VAPA: variants seen among roughly 807,000 people sequenced by gnomAD.
The protein encoded by VAPA is vesicle-associated membrane protein-associated protein A.
In VAPA, 6 loss-of-function variants were observed where a neutral mutation model predicts 25.6. That is an observed-to-expected ratio of 0.23 (90% confidence interval 0.13 to 0.46). The LOEUF (loss-of-function observed/expected upper bound fraction) is 0.46, where lower values mean the gene tolerates loss of function less well. VAPA is among the 20% of genes least tolerant of loss of function. VAPA has a pLI of 0.99. For missense variants in VAPA, 244 were observed against 302.1 expected (o/e 0.81, Z 1.43); for synonymous variants, 112 against 106.2 (o/e 1.05, Z -0.34).
chr18:9,944,816 T>G, intron 4 of VAPA: 3 of 1,321,178 alleles, frequency 2.3e-6, no homozygotes, highest in Non-Finnish European at 3.1e-6. Flanking sequence ...TTTTATAAAG[T>G]GTTAATGTTT....
intron 4 of VAPA, chr18:9,944,773 A>G (rs918375972): frequency 1.6e-5 from 15 of 941,358 alleles, no homozygotes; most frequent in Non-Finnish European, 2.2e-5. Flanking sequence ...TAACATAGCT[A>G]TTATTAGTAT....
intron 5 of VAPA, among the ~76,000 whole-genome samples, chr18:9,951,675 T>C (rs2069491697): frequency 6.6e-6 from 1 of 152,374 alleles, no homozygotes; most frequent in South Asian, 2.1e-4. Flanking sequence ...TGTTTGAAGC[T>C]CTTTGCAGCA....
At chr18:9,916,164 A>G (rs1049466171) in intron 1 of VAPA, among the ~76,000 whole-genome samples, 3 of 152,172 alleles carry the variant, frequency 2.0e-5, no homozygotes, top group Non-Finnish European at 2.9e-5. Context: ...TTATGTTGCT[A>G]TAGTAAGGGA....
chr18:9,922,018 A>T (rs377271944), intron 1 of VAPA, among the ~76,000 whole-genome samples: 1 of 152,166 alleles, frequency 6.6e-6, no homozygotes, highest in East Asian at 1.9e-4. Flanking sequence ...TCACTCTGAC[A>T]CCAGACTGAA....
Position 9,914,235 on chromosome 18 carries a change from C to T in VAPA, c.-22C>T, listed in dbSNP as rs762096306. 2.2e-5 allele frequency: 34 copies of T among 1,570,492 alleles called. No homozygotes were observed. Among genetic ancestry groups the T allele is most frequent in the Admixed American group, 1.2e-4 (7 of 56,026 alleles). On this transcript the variant is annotated 5_prime_UTR_variant, in exon 1 of 6. Coordinates refer to ENST00000400000, the MANE Select transcript of VAPA (RefSeq NM_194434.3). The stretch of plus-strand genomic sequence containing the variant: ...AGCAAACCGCCGCCGCGGGCGCGCC[C>T]CCGCTCTGCGCTGTCTCTCCGATGG...
At chr18:9,921,869 TATA>T (rs1427339961) in intron 1 of VAPA, among the ~76,000 whole-genome samples, 5 of 152,232 alleles carry the variant, frequency 3.3e-5, no homozygotes, top group African/African-American at 1.2e-4. Flanking sequence ...ATGAGCACCT[TATA>T]ATATGAACCT....
intron 2 of VAPA, among the ~76,000 whole-genome samples, chr18:9,932,662 A>G (rs1350284351): frequency 6.6e-6 from 1 of 152,132 alleles, no homozygotes; most frequent in Non-Finnish European, 1.5e-5. Flanking sequence ...GGTTCCATGT[A>G]TTTTACTTAG....
intron 4 of VAPA, chr18:9,945,051 A>T: frequency 6.2e-7 from 1 of 1,614,024 alleles, no homozygotes; most frequent in Non-Finnish European, 8.5e-7. Context: ...AAACAGGAGA[A>T]ACAGAAGGTT....
chr18:9,915,861 G>C (rs148638286), intron 1 of VAPA: 303 of 152,312 alleles, frequency 2.0e-3, no homozygotes, highest in African/African-American at 6.9e-3. Flanking sequence ...GTATTTTATT[G>C]CAAGTTTATG....
intron 1 of VAPA, among the ~76,000 whole-genome samples, chr18:9,923,245 C>T (rs935574373): frequency 6.6e-6 from 1 of 151,656 alleles, no homozygotes; most frequent in African/African-American, 2.4e-5. Context: ...AGTTACGTAT[C>T]TTTTAGCTTT....
chr18:9,950,582 G>T lies in VAPA; in HGVS notation c.591+14G>T. Reference sequence around the variant, plus strand: ...CGGCACCTGAGAGTAAGTTCTGTTGGTTGAAAATAAATTGATTGAAATGAA... The same window carrying T: ...CGGCACCTGAGAGTAAGTTCTGTTGTTTGAAAATAAATTGATTGAAATGAA... On this transcript the variant is annotated intron_variant, in intron 5 of 5. Coordinates refer to ENST00000400000, the MANE Select transcript of VAPA (RefSeq NM_194434.3). 6.2e-7 allele frequency: 1 copy of T among 1,605,604 alleles called. No homozygotes were observed. The highest frequency in any genetic ancestry group is 8.5e-7 in the Non-Finnish European group (1 of 1,177,820).
At chr18:9,917,538 C>T (rs934373250) in intron 1 of VAPA, among the ~76,000 whole-genome samples, 1 of 152,196 alleles carries the variant, frequency 6.6e-6, no homozygotes, top group Admixed American at 6.5e-5. Flanking sequence ...GCCTTGGCCT[C>T]CCAAAGTGCT....
chr18:9,953,231 GC>G, intron 5 of VAPA, among the ~76,000 whole-genome samples: 1 of 152,306 alleles, frequency 6.6e-6, no homozygotes, highest in East Asian at 1.9e-4. Flanking sequence ...GAATGAAGCA[GC>G]CTACTCTTGA....
rs200229431 is a variant in VAPA, at chr18:9,959,690, TGA to T, written c.*5489_*5490del. On this transcript the variant is annotated 3_prime_UTR_variant, in exon 6 of 6. Coordinates refer to ENST00000400000, the MANE Select transcript of VAPA (RefSeq NM_194434.3). ...GGAAAAATAATACAATGTGTGTGTG[TGA>T]GAGAGAGAGTGAGTTACTGACATTG... The T allele has an allele frequency of 2.3e-5, 3 of 130,852 alleles. No homozygotes were observed. The highest frequency in any genetic ancestry group is 9.1e-5 in the African/African-American group (3 of 33,018). 8.1% of individuals were successfully genotyped at this position (130,852 alleles called of 1,614,324 possible).
intron 5 of VAPA, chr18:9,950,891 T>C: frequency 3.9e-6 from 1 of 258,984 alleles, no homozygotes; most frequent in East Asian, 1.0e-4. Flanking sequence ...TTGTCCCACA[T>C]CATAGCCATT....
At chr18:9,933,869 A>C (rs1403101039) in intron 2 of VAPA, among the ~76,000 whole-genome samples, 2 of 152,244 alleles carry the variant, frequency 1.3e-5, no homozygotes, top group Admixed American at 1.3e-4. Context: ...CCACATGGCT[A>C]AAAATAGTTT....
intron 2 of VAPA, among the ~76,000 whole-genome samples, chr18:9,935,433 G>A (rs191151821): frequency 6.6e-6 from 1 of 152,266 alleles, no homozygotes; most frequent in East Asian, 1.9e-4. Flanking sequence ...AATTAGCTGG[G>A]CATGGTGGCA....
At chr18:9,937,850 T>G (rs1476241974) in intron 4 of VAPA, among the ~76,000 whole-genome samples, 1 of 152,210 alleles carries the variant, frequency 6.6e-6, no homozygotes, top group Non-Finnish European at 1.5e-5. Flanking sequence ...TAGTGGCCAT[T>G]TGCTCTATTG....
chr18:9,925,562 G>A (rs1036774318), intron 1 of VAPA, among the ~76,000 whole-genome samples: 1 of 151,782 alleles, frequency 6.6e-6, no homozygotes, highest in Non-Finnish European at 1.5e-5. Flanking sequence ...ACCAGGCATT[G>A]TGTTAGTTGC....
Sources: allele counts gnomAD v4.1 joint callset (sites outside exome capture counted in the v4.1 genomes callset), GRCh38; gene constraint gnomAD v4.1.1; transcripts MANE v1.5; gene names NCBI Gene and HGNC (gene_info 2026-07-23, HGNC 2026-07-21).